The following PLEKHH2 variants were observed in gnomAD, a reference collection of about 807,000 sequenced individuals.
PLEKHH2 encodes the protein pleckstrin homology, MyTH4 and FERM domain containing H2.
A neutral mutation model predicts 187.9 loss-of-function variants in PLEKHH2; 129 were observed. That is an observed-to-expected ratio of 0.69 (90% CI 0.59 to 0.79). PLEKHH2 has a LOEUF of 0.79. Ranked by LOEUF, PLEKHH2 falls within the 30% of genes least tolerant of loss-of-function variation. PLEKHH2 has a pLI of 0.00. For missense variants in PLEKHH2, 2,076 were observed against 1,751.2 expected (o/e 1.19, Z -3.31); for synonymous variants, 686 against 605.6 (o/e 1.13, Z -1.95).
chr2:43,681,276 T>C, intron 3 of PLEKHH2: 2 of 696,980 alleles, frequency 2.9e-6, no homozygotes, highest in Non-Finnish European at 4.9e-6. Context: ...TCCAGGGTGA[T>C]GCCATGCTGG....
At chr2:43,690,978 AAC>A (rs1668763771) in intron 3 of PLEKHH2, among the ~76,000 whole-genome samples, 1 of 152,230 alleles carries the variant, frequency 6.6e-6, no homozygotes, top group Non-Finnish European at 1.5e-5. Context: ...TAGGTTGGCA[AAC>A]ACAATATGCA....
intron 1 of PLEKHH2, among the ~76,000 whole-genome samples, chr2:43,640,602 CTTG>C (rs1558398245): frequency 6.6e-6 from 1 of 152,136 alleles, no homozygotes; most frequent in African/African-American, 2.4e-5. Flanking sequence ...CTCACCAACA[CTTG>C]TTGTTAGATG....
chr2:43,758,836 C>A, intron 26 of PLEKHH2, 64 bp from the exon 27 acceptor site: 1 of 1,388,106 alleles, frequency 7.2e-7, no homozygotes, highest in Non-Finnish European at 9.7e-7. Context: ...TATCTTAAGA[C>A]TATGACACAC....
chr2:43,744,884 A>AG (rs569974018), intron 23 of PLEKHH2, among the ~76,000 whole-genome samples: 61 of 149,482 alleles, frequency 4.1e-4, no homozygotes, highest in Middle Eastern at 3.4e-3. Context: ...AAAAAAAAAA[A>AG]AAAGAAAAAG....
chr2:43,731,099 A>T (rs1671013626), intron 18 of PLEKHH2, among the ~76,000 whole-genome samples: 1 of 152,214 alleles, frequency 6.6e-6, no homozygotes, highest in African/African-American at 2.4e-5. Flanking sequence ...CAAAGGCATA[A>T]GAATGACACA....
At chr2:43,720,789 TTG>T (rs1670442994) in intron 16 of PLEKHH2, 40 bp downstream of exon 16, 22 of 1,581,818 alleles carry the variant, frequency 1.4e-5, no homozygotes, top group Non-Finnish European at 1.9e-5. Flanking sequence ...AAGTAACTTT[TTG>T]TGTGTTAGGG....
chr2:43,738,537 A>T lies in PLEKHH2; in HGVS notation c.3123+17A>T, dbSNP rs574195132. On this transcript the variant is annotated intron_variant, in intron 20 of 29. Transcript: ENST00000282406. ...CCATTGCAGGTAGATATTAATATTG[A>T]TACATATACATGCAATTTAAAGTGT... 24 of 1,574,010 alleles carry T rather than the reference A, an allele frequency of 1.5e-5. No homozygotes were observed. The South Asian group carries it at 2.1e-4, about 14-fold the overall frequency.
chr2:43,680,922 C>G (rs1208528151), intron 3 of PLEKHH2: 27 of 700,844 alleles, frequency 3.9e-5, no homozygotes, highest in Non-Finnish European at 6.4e-5. Flanking sequence ...AAATTTATGT[C>G]CAGGGCCACT....
At position 43,697,173 on chromosome 2, in the gene PLEKHH2, G is replaced by T; in HGVS notation, c.505G>T (p.Val169Phe). 1 of 1,566,554 alleles carries T rather than the reference G, an allele frequency of 6.4e-7. No homozygotes were observed. The highest frequency in any genetic ancestry group is 2.0e-5 in the Admixed American group (1 of 50,934). Residue 169 changes from valine to phenylalanine, a missense_variant and splice_region_variant, in exon 7 of 30, where the codon GTT becomes TTT. Physicochemically the swap from Val to Phe is conservative, Grantham distance 50. Coordinates refer to ENST00000282406, the MANE Select transcript of PLEKHH2 (RefSeq NM_172069.4). ...AATTTTGATTAACGATGTTGTAGAA[G>T]TTCAAGGAAAGAAGTCATCCACTGT... Reference protein sequence around the residue: ...IRTMQSKLQEVQGKKSSTVST... With the variant: ...IRTMQSKLQEFQGKKSSTVST...
At position 43,743,615 on chromosome 2, in the gene PLEKHH2, C is replaced by T. The variant is rs1671661259; in HGVS notation, c.3400-219C>T. Among the ~76,000 whole-genome samples, 4 of 152,228 alleles carry T rather than the reference C, an allele frequency of 2.6e-5. No individual in the cohort carries two copies. In the South Asian group the frequency reaches 8.3e-4, roughly 32 times the overall value. ...TGATCATTCTATTTTGGATTCATGT[C>T]TGTTGGCTGAAGCTGAGATTTTTGA... On this transcript the variant is annotated intron_variant, in intron 22 of 29. Transcript: ENST00000282406.
intron 9 of PLEKHH2, among the ~76,000 whole-genome samples, chr2:43,705,251 C>CTTTTTTTTTTTTT (rs5830767): frequency 5.2e-5 from 5 of 95,866 alleles, no homozygotes; most frequent in Admixed American, 1.3e-4. Flanking sequence ...AAATTTTATC[C>CTTTTTTTTTTTTT]TTTTTTTTTT....
rs748900826 is a variant in PLEKHH2, at chr2:43,678,898, A to G, written c.159A>G (p.Glu53=). 1.1e-5 allele frequency: 17 copies of G among 1,609,268 alleles called. No individual in the cohort carries two copies. Among genetic ancestry groups the G allele is most frequent in the Non-Finnish European group, 1.4e-5 (17 of 1,176,920 alleles). Residue 53 remains glutamate, a synonymous_variant, in exon 3 of 30, where the codon GAA becomes GAG. Transcript: ENST00000282406. Reference sequence around the variant, plus strand: ...TTGAGAGACAAGTTATTGATGCTGAACGTCAAGCAGAAAAAGCTTTTCAAC... The same window carrying G: ...TTGAGAGACAAGTTATTGATGCTGAGCGTCAAGCAGAAAAAGCTTTTCAAC... The part of the protein sequence containing the change: ...QQLERQVIDA[E]RQAEKAFQQV...
chr2:43,681,071 T>A, intron 3 of PLEKHH2: 1 of 1,266,104 alleles, frequency 7.9e-7, no homozygotes, highest in Admixed American at 2.1e-5. Context: ...TCCAATCTAC[T>A]GTTCCACTAT....
At chr2:43,652,555 G>A (rs1009068567) in intron 2 of PLEKHH2, among the ~76,000 whole-genome samples, 1 of 152,154 alleles carries the variant, frequency 6.6e-6, no homozygotes, top group African/African-American at 2.4e-5. Context: ...GGAGATAGAA[G>A]TCTCTAGGGA....
In PLEKHH2 at chr2:43,700,000, C is replaced by T. The variant is rs762111960; in HGVS notation, c.1042C>T (p.His348Tyr). 29 of 1,614,062 alleles carry T rather than the reference C, an allele frequency of 1.8e-5. No homozygotes were observed. In the East Asian group the frequency reaches 2.2e-4, roughly 12 times the overall value. The change falls in exon 8 of 30, where the codon CAC becomes TAC. Residue 348 changes from histidine to tyrosine, a missense_variant. By Grantham distance (83) the His-to-Tyr change is moderately conservative. Transcript: ENST00000282406. ...EETFGIKRPE[H>Y]KKLYSWQQEA... is the part of the protein sequence containing the mutation. ...GACTTTTGGCATAAAGAGACCAGAA[C>T]ACAAGAAGCTATATTCTTGGCAGCA...
At chr2:43,743,367 A>G (rs1304086154) in intron 22 of PLEKHH2, among the ~76,000 whole-genome samples, 1 of 152,196 alleles carries the variant, frequency 6.6e-6, no homozygotes, top group East Asian at 1.9e-4. Flanking sequence ...CATGTTCCCA[A>G]ACTAGCAATT....
At chr2:43,721,081 C>A (rs1670456519) in intron 16 of PLEKHH2, among the ~76,000 whole-genome samples, 1 of 152,148 alleles carries the variant, frequency 6.6e-6, no homozygotes, top group Admixed American at 6.5e-5. Flanking sequence ...AAGGAAGCAG[C>A]AAGTTAGGAA....
chr2:43,734,196 C>A (rs1421371593), intron 19 of PLEKHH2, among the ~76,000 whole-genome samples: 1 of 152,156 alleles, frequency 6.6e-6, no homozygotes, highest in African/African-American at 2.4e-5. Context: ...CAACACATGG[C>A]CAATTTTGTT....
intron 7 of PLEKHH2, among the ~76,000 whole-genome samples, chr2:43,699,217 T>C (rs966407379): frequency 6.8e-6 from 1 of 147,666 alleles, no homozygotes; most frequent in Non-Finnish European, 1.5e-5. Flanking sequence ...GTTTTTTTTT[T>C]CCCAACATGT....
Sources: gnomAD v4.1 joint callset for allele counts (sites outside exome capture counted in the v4.1 genomes callset) on GRCh38, gnomAD v4.1.1 for gene constraint, MANE v1.5 for transcripts, NCBI Gene and HGNC (gene_info 2026-07-23, HGNC 2026-07-21) for gene names.